The following OSBPL10 variants were observed in gnomAD, a reference collection of about 807,000 sequenced individuals.
OSBPL10 encodes the protein oxysterol-binding protein-related protein 10.
A neutral mutation model predicts 81.7 loss-of-function variants in OSBPL10; 49 were observed. The ratio of observed to expected loss-of-function variants is 0.60; its 90% confidence interval spans 0.48 to 0.76. The LOEUF (loss-of-function observed/expected upper bound fraction) is 0.76. Among genes scored for constraint, OSBPL10 ranks in the 30% least tolerant of loss-of-function variants. OSBPL10 has a pLI of 0.00. For missense variants in OSBPL10, 923 were observed against 987.8 expected, an observed-to-expected ratio of 0.93 and a Z score of 0.88; for synonymous variants, 419 against 383.6, an observed-to-expected ratio of 1.09 and a Z score of -1.08.
chr3:32,033,523 A>C (rs1699490713), intron 2 of OSBPL10, among the ~76,000 whole-genome samples: 1 of 152,184 alleles, frequency 6.6e-6, no homozygotes, highest in Admixed American at 6.5e-5. Flanking sequence ...CTGTATTAGA[A>C]AATTTATAAG....
At chr3:31,677,793 G>C (rs559754629) in intron 8 of OSBPL10, among the ~76,000 whole-genome samples, 26 of 152,040 alleles carry the variant, frequency 1.7e-4, no homozygotes, top group Admixed American at 1.3e-4. Flanking sequence ...ACATAAGACA[G>C]AGCAAAGGCC....
In OSBPL10 at chr3:31,930,003, C is replaced by CAAACAAA. The variant is rs1306473764; in HGVS notation, c.282-50174_282-50173insTTTGTTT. Among the ~76,000 whole-genome samples, 65 of 72,560 alleles carry CAAACAAA rather than the reference C, an allele frequency of 9.0e-4. 10 individuals carry two copies. The highest frequency in any genetic ancestry group is 1.1e-3 in the East Asian group (3 of 2,790). 47.6% of individuals were successfully genotyped at this position (72,560 alleles called of 152,430 possible). ...GATCAAGTGAGACCCTGTCACCAAC[C>CAAACAAA]AAAAAAAAAAAAAAAAAAAAAAACA... On this transcript the variant is annotated intron_variant, in intron 1 of 11. Coordinates refer to ENST00000396556, the MANE Select transcript of OSBPL10 (RefSeq NM_017784.5).
chr3:32,007,102 T>C (rs1360622021), intron 2 of OSBPL10, among the ~76,000 whole-genome samples: 2 of 152,116 alleles, frequency 1.3e-5, no homozygotes, highest in Admixed American at 1.3e-4. Flanking sequence ...TTCAAAGGTG[T>C]ACATTTTGAC....
Position 31,748,013 on chromosome 3 carries a change from T to C in OSBPL10, c.837A>G (p.Lys279=). The C allele has an allele frequency of 1.2e-6, 2 of 1,614,152 alleles. No individual in the cohort carries two copies. The highest frequency in any genetic ancestry group is 1.7e-6 in the Non-Finnish European group (2 of 1,180,022). Residue 279 remains lysine (K), a synonymous_variant, in exon 5 of 12, where the codon AAA becomes AAG. Coordinates refer to ENST00000396556, the MANE Select transcript of OSBPL10 (RefSeq NM_017784.5). ...TALDQDLLLL[K]ATSAATLSCL... is the part of the protein sequence containing the mutation. The stretch of plus-strand genomic sequence containing the variant: ...AGCTGAGGGTGGCAGCAGAGGTAGC[T>C]TTCAGGAGCAGCAGGTCCTGGTCCA...
chr3:31,719,238 G>T (rs772089727), intron 6 of OSBPL10, among the ~76,000 whole-genome samples: 1 of 152,204 alleles, frequency 6.6e-6, no homozygotes, highest in Non-Finnish European at 1.5e-5. Context: ...AAATTTTACA[G>T]TGGGGACGTA....
intron 4 of OSBPL10, among the ~76,000 whole-genome samples, chr3:31,752,381 G>A (rs1243622098): frequency 6.6e-6 from 1 of 152,084 alleles, no homozygotes; most frequent in Non-Finnish European, 1.5e-5. Flanking sequence ...TTGTAACATG[G>A]GCACAAAAAC....
At chr3:31,738,420 G>A (rs1354142463) in intron 5 of OSBPL10, among the ~76,000 whole-genome samples, 1 of 151,534 alleles carries the variant, frequency 6.6e-6, no homozygotes, top group Non-Finnish European at 1.5e-5. Context: ...TGAATTTTGC[G>A]ACAACACTAA....
chr3:31,712,705 G>C (rs73066097), intron 6 of OSBPL10, among the ~76,000 whole-genome samples: 6 of 152,084 alleles, frequency 3.9e-5, no homozygotes, highest in Admixed American at 6.5e-5. Context: ...GCAGAACTAC[G>C]AGATGATAAA....
At chr3:31,878,653 T>A (rs1559502415) in intron 2 of OSBPL10, among the ~76,000 whole-genome samples, 1 of 152,176 alleles carries the variant, frequency 6.6e-6, no homozygotes, top group African/African-American at 2.4e-5. Context: ...AGGCAACTGA[T>A]CATGGTCACG....
intron 6 of OSBPL10, among the ~76,000 whole-genome samples, chr3:31,715,969 G>C (rs904184581): frequency 3.9e-5 from 6 of 152,184 alleles, no homozygotes; most frequent in Admixed American, 3.3e-4. Context: ...AAATTATGCA[G>C]TTACGGGCCT....
intron 4 of OSBPL10, among the ~76,000 whole-genome samples, chr3:31,766,706 CT>C (rs1191664948): frequency 6.6e-6 from 1 of 152,138 alleles, no homozygotes; most frequent in African/African-American, 2.4e-5. Flanking sequence ...TTAAAACTCA[CT>C]TCACAAGATT....
chr3:31,668,343 C>A (rs952935927), intron 10 of OSBPL10, among the ~76,000 whole-genome samples: 3 of 152,110 alleles, frequency 2.0e-5, no homozygotes, highest in Non-Finnish European at 4.4e-5. Context: ...TATCAACTCT[C>A]GGTATTTACC....
At chr3:31,666,992 C>T (rs995502448) in intron 10 of OSBPL10, among the ~76,000 whole-genome samples, 2 of 152,344 alleles carry the variant, frequency 1.3e-5, no homozygotes, top group Admixed American at 1.3e-4. Context: ...CTCTCTTACT[C>T]TGGCACCAGA....
chr3:31,722,101 G>C (rs543555245), intron 6 of OSBPL10, among the ~76,000 whole-genome samples: 2 of 152,016 alleles, frequency 1.3e-5, no homozygotes, highest in African/African-American at 4.8e-5. Context: ...ACCTAGAAAC[G>C]CAACAATTTA....
chr3:31,907,450 A>G (rs2125686948), intron 1 of OSBPL10, among the ~76,000 whole-genome samples: 1 of 151,852 alleles, frequency 6.6e-6, no homozygotes, highest in East Asian at 1.9e-4. Context: ...AACATGGTGA[A>G]ATCCCGTCTC....
chr3:31,938,692 A>G (rs1406249780), intron 1 of OSBPL10, among the ~76,000 whole-genome samples: 1 of 152,028 alleles, frequency 6.6e-6, no homozygotes, highest in Non-Finnish European at 1.5e-5. Flanking sequence ...ATGGGGTTTC[A>G]CTATGCTGCC....
intron 5 of OSBPL10, among the ~76,000 whole-genome samples, chr3:31,737,605 A>G (rs1697219934): frequency 6.6e-6 from 1 of 152,192 alleles, no homozygotes; most frequent in Non-Finnish European, 1.5e-5. Context: ...TGGAATCAAC[A>G]CCACAGAAAG....
At chr3:31,786,414 G>A (rs1698859531) in intron 4 of OSBPL10, among the ~76,000 whole-genome samples, 2 of 152,088 alleles carry the variant, frequency 1.3e-5, no homozygotes, top group African/African-American at 2.4e-5. Flanking sequence ...CCTACGACTG[G>A]GTAATTTATA....
intron 4 of OSBPL10, among the ~76,000 whole-genome samples, chr3:31,810,699 C>T (rs1356256146): frequency 1.3e-5 from 2 of 152,174 alleles, no homozygotes; most frequent in Non-Finnish European, 2.9e-5. Flanking sequence ...GATGCTCAAT[C>T]TCACTTAAGA....
Sources: allele counts gnomAD v4.1 joint callset (sites outside exome capture counted in the v4.1 genomes callset), GRCh38; gene constraint gnomAD v4.1.1; transcripts MANE v1.5; gene names NCBI Gene and HGNC (gene_info 2026-07-23, HGNC 2026-07-21).